The following MGAT5 variants were observed in gnomAD, a reference collection of about 807,000 sequenced individuals.
The protein encoded by MGAT5 is alpha-1,6-mannosylglycoprotein 6-beta-N-acetylglucosaminyltransferase A.
A neutral mutation model predicts 94.3 loss-of-function variants in MGAT5; 30 were observed. The observed-to-expected ratio is 0.32, with a 90% CI of 0.24 to 0.43. MGAT5 has a LOEUF of 0.43. Ranked by LOEUF, MGAT5 falls within the 20% of genes least tolerant of loss-of-function variation. MGAT5 has a pLI of 1.00. For missense variants in MGAT5, 691 were observed against 905.5 expected (o/e 0.76, Z 3.04); for synonymous variants, 310 against 322.9 (o/e 0.96, Z 0.43).
intron 2 of MGAT5, among the ~76,000 whole-genome samples, chr2:134,297,218 T>A (rs1362726789): frequency 1.2e-4 from 13 of 112,412 alleles, no homozygotes; most frequent in South Asian, 3.3e-4. Context: ...AAAAAAAAAA[T>A]CATCTGAATA....
intron 1 of MGAT5, among the ~76,000 whole-genome samples, chr2:134,254,985 C>T (rs1406709184): frequency 2.6e-5 from 4 of 152,256 alleles, no homozygotes; most frequent in African/African-American, 7.2e-5. Flanking sequence ...AAAATATTCT[C>T]ATCTTTCCCT....
chr2:134,168,345 C>G (rs1419495955), intron 1 of MGAT5, among the ~76,000 whole-genome samples: 8 of 152,042 alleles, frequency 5.3e-5, no homozygotes, highest in African/African-American at 1.9e-4. Flanking sequence ...TGAGCCCAGG[C>G]AGTATTAGTG....
intron 2 of MGAT5, among the ~76,000 whole-genome samples, chr2:134,306,274 A>G (rs895781450): frequency 1.3e-5 from 2 of 148,236 alleles, no homozygotes; most frequent in Non-Finnish European, 3.0e-5. Context: ...AGAAATGAAT[A>G]CATGCAGAGT....
intron 2 of MGAT5, among the ~76,000 whole-genome samples, chr2:134,309,017 G>A (rs71417505): frequency 1.6e-4 from 25 of 152,068 alleles, no homozygotes; most frequent in Non-Finnish European, 3.2e-4. Flanking sequence ...AAACAACCAC[G>A]AATTCACTCT....
At chr2:134,231,573 A>G (rs773110035) in intron 1 of MGAT5, among the ~76,000 whole-genome samples, 3 of 152,302 alleles carry the variant, frequency 2.0e-5, no homozygotes, top group Non-Finnish European at 4.4e-5. Context: ...TTGGAACACC[A>G]TTTCTTAAAG....
rs1246030331 is a variant in MGAT5, at chr2:134,441,787, A to G, written c.1899A>G (p.Pro633=). 2 of 1,613,154 alleles carry G rather than the reference A, an allele frequency of 1.2e-6. No individual in the cohort carries two copies. The highest frequency in any genetic ancestry group is 4.5e-5 in the East Asian group (2 of 44,856). ...TCTGCCATGGGCAAGTGATGTGGCC[A>G]CCCCTCAGCGCCCTACAGGTCAAGC... ...QDFCHGQVMW[P]PLSALQVKLA... is the part of the protein sequence containing the mutation. The change falls in exon 15 of 16, where the codon CCA becomes CCG. Residue 633 remains proline, a synonymous_variant. Transcript: ENST00000281923.
intron 1 of MGAT5, among the ~76,000 whole-genome samples, chr2:134,173,108 T>G (rs1018053704): frequency 1.3e-5 from 2 of 152,198 alleles, no homozygotes; most frequent in African/African-American, 4.8e-5. Context: ...AGAAAATATG[T>G]CCTTTGGAAA....
In MGAT5 at chr2:134,326,815, T is replaced by C. The variant is rs551763381; in HGVS notation, c.573+8076T>C. On this transcript the variant is annotated intron_variant, in intron 4 of 15. Coordinates refer to ENST00000281923, the MANE Select transcript of MGAT5 (RefSeq NM_002410.5). ...TCAGTTTTGGATAGAGTGGTCAGGA[T>C]AGGCCCTACTGAGAAGGTGAGAAAA... Among the ~76,000 whole-genome samples, 3 of 152,218 alleles carry C rather than the reference T, an allele frequency of 2.0e-5. No individual in the cohort carries two copies. In the South Asian group the frequency reaches 6.2e-4, roughly 32 times the overall value.
chr2:134,398,494 C>G (rs1222574194), intron 10 of MGAT5, among the ~76,000 whole-genome samples: 1 of 152,102 alleles, frequency 6.6e-6, no homozygotes, highest in Non-Finnish European at 1.5e-5. Context: ...AACTGACGTC[C>G]AGGAGAAATA....
At chr2:134,390,301 CAATCA>C (rs1161975844) in intron 10 of MGAT5, among the ~76,000 whole-genome samples, 1 of 152,208 alleles carries the variant, frequency 6.6e-6, no homozygotes, top group African/African-American at 2.4e-5. Context: ...AGCTACCCTC[CAATCA>C]AATCAAACAC....
chr2:134,396,773 G>A lies in MGAT5; in HGVS notation c.1381-6215G>A, dbSNP rs1232119514. ...TCGCCCTGTGCCAGGCCTCTGCCAA[G>A]CCTACTGGTTCTGCCCTGGAGAAGT... On this transcript the variant is annotated intron_variant, in intron 10 of 15. Transcript: ENST00000281923. Among the ~76,000 whole-genome samples the A allele has an allele frequency of 4.6e-5, 7 of 152,346 alleles. No homozygotes were observed. The East Asian group carries it at 1.4e-3, about 29-fold the overall frequency.
At chr2:134,393,931 A>G (rs1186785176) in intron 10 of MGAT5, among the ~76,000 whole-genome samples, 2 of 139,562 alleles carry the variant, frequency 1.4e-5, no homozygotes, top group East Asian at 2.1e-4. Flanking sequence ...CTCCTTCCTT[A>G]TGTGTGGTGC....
At chr2:134,203,677 A>G (rs1289982918) in intron 1 of MGAT5, among the ~76,000 whole-genome samples, 3 of 151,474 alleles carry the variant, frequency 2.0e-5, no homozygotes, top group Non-Finnish European at 4.4e-5. Flanking sequence ...CCACGTTGTG[A>G]CTCTTGGGGG....
intron 1 of MGAT5, among the ~76,000 whole-genome samples, chr2:134,140,421 C>G (rs1686605895): frequency 6.6e-6 from 1 of 152,206 alleles, no homozygotes; most frequent in Non-Finnish European, 1.5e-5. Flanking sequence ...GGGACTGACG[C>G]TTTCCCTGCC....
At chr2:134,120,350 G>C (rs1685505613) in intron 1 of MGAT5, 1 of 386,444 alleles carries the variant, frequency 2.6e-6, no homozygotes, top group Non-Finnish European at 4.6e-6. Context: ...CCCGCGGGGT[G>C]ATGCGCGCAG....
chr2:134,370,638 G>A (rs1573940623), intron 10 of MGAT5, among the ~76,000 whole-genome samples: 1 of 152,254 alleles, frequency 6.6e-6, no homozygotes, highest in Admixed American at 6.5e-5. Context: ...CCCAGGGGCA[G>A]CCACTCACCA....
In MGAT5 at chr2:134,451,144, C is replaced by T. The variant is rs1239946967; in HGVS notation, c.*2297C>T. The T allele has an allele frequency of 1.3e-5, 2 of 152,168 alleles. No homozygotes were observed. Among genetic ancestry groups the T allele is most frequent in the Non-Finnish European group, 2.9e-5 (2 of 68,038 alleles). The allele number at this position is 152,168 out of a possible 1,614,324, so 9.4% of individuals were successfully genotyped here. A position where few individuals can be genotyped will look rare whatever the true frequency, so the allele number is the denominator to read the frequency against. ...TTAAGCAAGGAAGCTGAAAGGTAAC[C>T]TTAGCCCTGCCTTGTGTTCCAAAAG... is the stretch of plus-strand genomic sequence containing the variant. On this transcript the variant is annotated 3_prime_UTR_variant, in exon 16 of 16. Coordinates refer to ENST00000281923, the MANE Select transcript of MGAT5 (RefSeq NM_002410.5).
At chr2:134,189,084 A>G (rs959458776) in intron 1 of MGAT5, among the ~76,000 whole-genome samples, 2 of 152,160 alleles carry the variant, frequency 1.3e-5, no homozygotes, top group Non-Finnish European at 2.9e-5. Flanking sequence ...GTGTTTACCA[A>G]CCAAAAAGCT....
intron 1 of MGAT5, among the ~76,000 whole-genome samples, chr2:134,173,881 C>G (rs1688337829): frequency 6.6e-6 from 1 of 152,256 alleles, no homozygotes; most frequent in Non-Finnish European, 1.5e-5. Flanking sequence ...CCTCTACACG[C>G]TTTCTCCACC....
Sources: allele counts gnomAD v4.1 joint callset (sites outside exome capture counted in the v4.1 genomes callset), GRCh38; gene constraint gnomAD v4.1.1; transcripts MANE v1.5; gene names NCBI Gene and HGNC (gene_info 2026-07-23, HGNC 2026-07-21).